MYLIP: variants seen among roughly 807,000 people sequenced by gnomAD.
The protein encoded by MYLIP is myosin regulatory light chain interacting protein.
A neutral mutation model predicts 45.8 loss-of-function variants in MYLIP; 26 were observed. That is an observed-to-expected ratio of 0.57 (90% CI 0.42 to 0.79). The LOEUF (loss-of-function observed/expected upper bound fraction) is 0.79, where lower values mean the gene tolerates loss of function less well. Among genes scored for constraint, MYLIP ranks in the 30% least tolerant of loss-of-function variants. The pLI, the probability that MYLIP is intolerant of heterozygous loss-of-function variation, is 0.00. For synonymous variants in MYLIP, 213 were observed against 218.1 expected (o/e 0.98, Z 0.21); for missense variants, 494 against 555.6 (o/e 0.89, Z 1.11).
chr6:16,153,428 C>T, the MYLIP span, among the ~76,000 whole-genome samples: 1 of 152,206 alleles, frequency 6.6e-6, no homozygotes. Flanking sequence ...GAGGATTTTC[C>T]CCATGAATTT....
the MYLIP span, among the ~76,000 whole-genome samples, chr6:16,154,263 T>C: frequency 6.6e-6 from 1 of 152,202 alleles, no homozygotes; most frequent in Non-Finnish European, 1.5e-5. Flanking sequence ...GCCATCTTTC[T>C]CCTTTTAAGA....
chr6:16,156,687 G>A, the MYLIP span, among the ~76,000 whole-genome samples: 1 of 152,204 alleles, frequency 6.6e-6, no homozygotes, highest in African/African-American at 2.4e-5. Context: ...GAATATCCGT[G>A]GCTTGGGAAT....
the MYLIP span, among the ~76,000 whole-genome samples, chr6:16,160,137 C>A: frequency 6.6e-6 from 1 of 152,222 alleles, no homozygotes; most frequent in South Asian, 2.1e-4. Flanking sequence ...TGAGCATAAA[C>A]CTATCCACTC....
the MYLIP span, among the ~76,000 whole-genome samples, chr6:16,161,888 A>G: frequency 1.3e-5 from 2 of 152,240 alleles, no homozygotes; most frequent in Non-Finnish European, 2.9e-5. Context: ...TTTTTACTAG[A>G]TGGAATGGAC....
At position 16,143,777 on chromosome 6, in the gene MYLIP, C is replaced by T. The variant is rs1214405147; in HGVS notation, c.741C>T (p.Asn247=). 6.2e-7 allele frequency: 1 copy of T among 1,613,986 alleles called. No homozygotes were observed. The highest frequency in any genetic ancestry group is 1.1e-5 in the South Asian group (1 of 91,052). ...VYLTVTKESG[N]SIVLLFKMIS... ...TGACGGTCACCAAGGAATCTGGGAA[C>T]AGCATCGTGCTCTTGTTTAAAATGA... The change falls in exon 5 of 7, where the codon AAC becomes AAT. Residue 247 remains asparagine, a synonymous_variant. Coordinates refer to ENST00000356840, the MANE Select transcript of MYLIP (RefSeq NM_013262.4).
chr6:16,148,780 GGT>G (rs1448420632), downstream of MYLIP, among the ~76,000 whole-genome samples: 1 of 152,054 alleles, frequency 6.6e-6, no homozygotes, highest in Non-Finnish European at 1.5e-5. Context: ...CAGGACTGCT[GGT>G]CTACTCCTGC....
In MYLIP at chr6:16,144,054, T is replaced by C. The variant is rs142137048; in HGVS notation, c.827+191T>C. ...GTAGTCTTGTTTTACCCACAGAAGG[T>C]GCATGTGTGTGAGCTGCACAAACAC... is the stretch of plus-strand genomic sequence containing the variant. On this transcript the variant is annotated intron_variant, in intron 5 of 6. Coordinates refer to ENST00000356840, the MANE Select transcript of MYLIP (RefSeq NM_013262.4). Among the ~76,000 whole-genome samples, 887 of 152,164 alleles carry C rather than the reference T, an allele frequency of 5.8e-3. 6 individuals are homozygous for C. The highest frequency in any genetic ancestry group is 0.02 in the African/African-American group (821 of 41,514).
chr6:16,134,069 C>A (rs182215814), intron 2 of MYLIP, among the ~76,000 whole-genome samples: 3 of 152,116 alleles, frequency 2.0e-5, no homozygotes, highest in African/African-American at 7.2e-5. Context: ...AGACTAAACT[C>A]CCCCAAGACA....
chr6:16,160,498 C>G, the MYLIP span, among the ~76,000 whole-genome samples: 1 of 152,086 alleles, frequency 6.6e-6, no homozygotes, highest in Non-Finnish European at 1.5e-5. Flanking sequence ...GGATTCTTGC[C>G]AATCTAAGGT....
chr6:16,146,863 ATGTT>A lies in MYLIP; in HGVS notation c.*113_*116del. On this transcript the variant is annotated 3_prime_UTR_variant, in exon 7 of 7. Transcript: ENST00000356840. Reference sequence around the variant, plus strand: ...TATTCCAACACCCATCTGCCATGCGATGTTAAAAAAAAAAAAAAGGAAGAAAAAT... The same window carrying A: ...TATTCCAACACCCATCTGCCATGCGAAAAAAAAAAAAAAAGGAAGAAAAAT... 2.8e-6 allele frequency: 2 copies of A among 724,202 alleles called. No homozygotes were observed. The highest frequency in any genetic ancestry group is 4.0e-4 in the Middle Eastern group (1 of 2,482). The allele number at this position is 724,202 out of a possible 1,614,324, so 44.9% of individuals were successfully genotyped here.
In MYLIP at chr6:16,144,899, G is replaced by A. The variant is rs1759752289; in HGVS notation, c.830G>A (p.Cys277Tyr). 5 of 1,610,454 alleles carry A rather than the reference G, an allele frequency of 3.1e-6. No homozygotes were observed. The highest frequency in any genetic ancestry group is 2.5e-6 in the Non-Finnish European group (3 of 1,177,428). ...AITETHAFYR[C>Y]DTVTSAVMMQ... ...AGATGTTCAATCTTGCCTTGCAGGT[G>A]TGACACAGTGACCAGCGCCGTGATG... The change falls in exon 6 of 7, where the codon TGT (cysteine) becomes TAT (tyrosine). Residue 277 changes from cysteine to tyrosine, a missense_variant and splice_region_variant. Coordinates refer to ENST00000356840, the MANE Select transcript of MYLIP (RefSeq NM_013262.4).
intron 2 of MYLIP, among the ~76,000 whole-genome samples, chr6:16,140,468 C>A (rs910593290): frequency 1.3e-5 from 2 of 152,154 alleles, no homozygotes; most frequent in African/African-American, 4.8e-5. Flanking sequence ...GTTTTATGTA[C>A]ATTTTTGGAG....
At chr6:16,151,272 G>A (rs937255090), downstream of MYLIP, among the ~76,000 whole-genome samples, 2 of 151,812 alleles carry the variant, frequency 1.3e-5, no homozygotes, top group Non-Finnish European at 2.9e-5. Flanking sequence ...CAGGAGAATG[G>A]TGTGAACCCA....
At chr6:16,143,349 A>C in intron 4 of MYLIP, 132 bp downstream of exon 4, 1 of 900,320 alleles carries the variant, frequency 1.1e-6, no homozygotes, top group Non-Finnish European at 1.7e-6. Context: ...TGGTATGTAC[A>C]TTAATTTTAT....
chr6:16,156,765 CTGAG>C, the MYLIP span, among the ~76,000 whole-genome samples: 1 of 152,198 alleles, frequency 6.6e-6, no homozygotes, highest in African/African-American at 2.4e-5. Context: ...CTTGAATAAT[CTGAG>C]TAATATGACA....
At chr6:16,149,227 A>G (rs147551556), downstream of MYLIP, among the ~76,000 whole-genome samples, 129 of 152,318 alleles carry the variant, frequency 8.5e-4, 2 homozygotes, top group African/African-American at 2.8e-3. Flanking sequence ...ATGCTAACCA[A>G]GTTGATGGAG....
At chr6:16,141,489 A>T in intron 2 of MYLIP, 136 bp from the exon 3 acceptor site, 1 of 753,554 alleles carries the variant, frequency 1.3e-6, no homozygotes, top group Non-Finnish European at 2.0e-6. Flanking sequence ...TTTTTTTTGA[A>T]GTTCTTTAAT....
At chr6:16,132,772 G>A (rs1297022472) in intron 2 of MYLIP, among the ~76,000 whole-genome samples, 1 of 152,216 alleles carries the variant, frequency 6.6e-6, no homozygotes, top group Non-Finnish European at 1.5e-5. Flanking sequence ...GCTAGCAAAT[G>A]AAGCTGGTTC....
chr6:16,138,027 G>A (rs4716047), intron 2 of MYLIP, among the ~76,000 whole-genome samples: 31,652 of 152,094 alleles, frequency 0.21, 3,424 homozygotes, highest in Admixed American at 0.29. Flanking sequence ...TAGTAACTGG[G>A]TAAAACTTAA....
Sources: allele counts gnomAD v4.1 joint callset (sites outside exome capture counted in the v4.1 genomes callset), GRCh38; gene constraint gnomAD v4.1.1; transcripts MANE v1.5; gene names NCBI Gene and HGNC (gene_info 2026-07-23, HGNC 2026-07-21).